The following SETX variants were observed in gnomAD, a reference collection of about 807,000 sequenced individuals.
SETX encodes senataxin, also known as helicase senataxin.
A neutral mutation model predicts 227.2 loss-of-function variants in SETX; 90 were observed. That is an observed-to-expected ratio of 0.40 (90% CI 0.33 to 0.47). The LOEUF (loss-of-function observed/expected upper bound fraction) is 0.47. Ranked by LOEUF, SETX falls within the 20% of genes least tolerant of loss-of-function variation. The pLI is 0.91. For synonymous variants in SETX, 1,210 were observed against 1,113.2 expected (o/e 1.09, Z -1.73); for missense variants, 3,052 against 3,181.5 (o/e 0.96, Z 0.98).
chr9:132,345,571 G>A (rs1042406218), intron 4 of SETX, among the ~76,000 whole-genome samples: 3 of 152,106 alleles, frequency 2.0e-5, no homozygotes, highest in Non-Finnish European at 2.9e-5. Context: ...ACCATGCCCG[G>A]CGAGAATGAA....
At chr9:132,354,615 G>A (rs984964497) in intron 1 of SETX, among the ~76,000 whole-genome samples, 5 of 151,878 alleles carry the variant, frequency 3.3e-5, no homozygotes, top group African/African-American at 1.2e-4. Flanking sequence ...TCAGCCCCAA[G>A]GAAACTACGC....
At chr9:132,349,721 C>T (rs567656931) in intron 2 of SETX, among the ~76,000 whole-genome samples, 5 of 152,154 alleles carry the variant, frequency 3.3e-5, no homozygotes, top group Middle Eastern at 3.4e-3. Flanking sequence ...AACACAGTAC[C>T]GATAGAAAAT....
At chr9:132,269,350 T>C in intron 25 of SETX, 4 of 1,331,528 alleles carry the variant, frequency 3.0e-6, no homozygotes, top group South Asian at 1.3e-5. Flanking sequence ...GGGTTTAATA[T>C]ACCTTCTTAA....
At chr9:132,270,976 G>A (rs10115952) in intron 24 of SETX, among the ~76,000 whole-genome samples, 12,595 of 152,194 alleles carry the variant, frequency 0.083, 981 homozygotes, top group East Asian at 0.37. Flanking sequence ...ATTTGAAAAC[G>A]AACTAATTTA....
intron 11 of SETX, among the ~76,000 whole-genome samples, chr9:132,304,649 AAAG>A (rs1251982313): frequency 6.8e-6 from 1 of 147,828 alleles, no homozygotes; most frequent in Non-Finnish European, 1.5e-5. Context: ...AAAAAAAAAG[AAAG>A]AAAGAAAAGA....
chr9:132,267,632 G>A (rs558557781), intron 25 of SETX, among the ~76,000 whole-genome samples: 1 of 152,322 alleles, frequency 6.6e-6, no homozygotes, highest in Admixed American at 6.5e-5. Context: ...TCAGATTCTC[G>A]TCTGTCTCTT....
intron 17 of SETX, among the ~76,000 whole-genome samples, 165 bp from the exon 18 acceptor site, chr9:132,286,659 CTGCTGCGTAAGACTCAGCTGTG>C (rs1334201950): frequency 3.3e-5 from 5 of 152,240 alleles, no homozygotes; most frequent in Non-Finnish European, 7.3e-5. Flanking sequence ...ACTCTGTATG[CTGCTGCGTAAGACTCAGCTGTG>C]TTCTGTGCGC....
chr9:132,327,725 C>T lies in SETX; in HGVS notation c.3873G>A (p.Lys1291=), dbSNP rs373482614. The change falls in exon 10 of 26, where the codon AAG becomes AAA. Residue 1291 remains lysine (K), a synonymous_variant. Transcript: ENST00000224140. ...ACAACTCATATGCCTTACGAGGACC[C>T]TTTTTCAGGCCAAGTTTCTCAGCTG... ...TSTAEKLGLK[K]GPRKAYELSQ... is the part of the protein sequence containing the mutation. 3.1e-6 allele frequency: 5 copies of T among 1,614,020 alleles called. No homozygotes were observed. The African/African-American group carries it at 6.7e-5, about 22-fold the overall frequency.
chr9:132,348,115 T>C (rs1033260425), intron 3 of SETX, among the ~76,000 whole-genome samples: 18 of 150,746 alleles, frequency 1.2e-4, no homozygotes, highest in Admixed American at 5.3e-4. Context: ...TCCCAGCACT[T>C]TGGGAGGCCG....
chr9:132,346,153 T>A, intron 4 of SETX, 108 bp downstream of exon 4: 1 of 880,334 alleles, frequency 1.1e-6, no homozygotes, highest in East Asian at 2.6e-5. Context: ...TAATTATATA[T>A]CCTAATTATA....
chr9:132,325,406 T>C (rs958118985), intron 10 of SETX, among the ~76,000 whole-genome samples: 2 of 152,064 alleles, frequency 1.3e-5, no homozygotes, highest in African/African-American at 2.4e-5. Context: ...GTCTGACGTG[T>C]AGGGAAATTT....
intron 1 of SETX, among the ~76,000 whole-genome samples, chr9:132,354,672 C>T (rs997658366): frequency 6.6e-6 from 1 of 152,010 alleles, no homozygotes; most frequent in Non-Finnish European, 1.5e-5. Flanking sequence ...GTGTAGACAA[C>T]GGAAGGACAG....
intron 2 of SETX, 122 bp from the exon 3 acceptor site, chr9:132,349,557 A>C: frequency 1.1e-6 from 1 of 927,186 alleles, no homozygotes; most frequent in Non-Finnish European, 1.7e-6. Context: ...TAAAACCCAA[A>C]TCTTCTGCTG....
At chr9:132,292,625 AT>A (rs529367112) in intron 15 of SETX, among the ~76,000 whole-genome samples, 7,946 of 125,160 alleles carry the variant, frequency 0.063, 219 homozygotes, top group East Asian at 0.16. Flanking sequence ...TTCCCAACTC[AT>A]TTTTTTTTTT....
chr9:132,313,688 A>G (rs1223736616), intron 10 of SETX, among the ~76,000 whole-genome samples: 1 of 152,212 alleles, frequency 6.6e-6, no homozygotes, highest in Non-Finnish European at 1.5e-5. Context: ...TAAATGAAAT[A>G]ACTTCAAAGT....
intron 10 of SETX, 95 bp from the exon 11 acceptor site, chr9:132,311,951 G>A: frequency 5.1e-6 from 5 of 988,348 alleles, no homozygotes; most frequent in Non-Finnish European, 7.8e-6. Context: ...GTAAAATCCA[G>A]AAGCTAGAAT....
Position 132,278,236 on chromosome 9 carries a change from C to A in SETX, c.6676G>T (p.Asp2226Tyr). 1 of 1,614,040 alleles carries A rather than the reference C, an allele frequency of 6.2e-7. No individual in the cohort carries two copies. Among genetic ancestry groups the A allele is most frequent in the South Asian group, 1.1e-5 (1 of 91,062 alleles). ...ISMKAQEYGY[D>Y]QSMMARFCRL... ...CAGAAGCGAGCCATCATTGACTGGT[C>A]GTAGCCATACTCCTGTGCTTTCTGT... is the stretch of plus-strand genomic sequence containing the variant. The change falls in exon 21 of 26, where the codon GAC becomes TAC. Residue 2226 changes from aspartate to tyrosine, a missense_variant. Around this residue, in one of 10 missense-constraint regions of SETX, gnomAD observed 412 missense variants for 589.0 expected, o/e 0.70. Coordinates refer to ENST00000224140, the MANE Select transcript of SETX (RefSeq NM_015046.7).
At chr9:132,273,199 G>A (rs576637199) in intron 23 of SETX, among the ~76,000 whole-genome samples, 9 of 151,586 alleles carry the variant, frequency 5.9e-5, no homozygotes, top group African/African-American at 1.5e-4. Flanking sequence ...TTTCGCTCTC[G>A]TCGCCCAGGC....
chr9:132,321,930 C>T (rs561829236), intron 10 of SETX, among the ~76,000 whole-genome samples: 56 of 152,264 alleles, frequency 3.7e-4, no homozygotes, highest in African/African-American at 1.3e-3. Flanking sequence ...TGCCAATGGT[C>T]AACAAGCCCA....
Sources: gnomAD v4.1 joint callset for allele counts (sites outside exome capture counted in the v4.1 genomes callset) on GRCh38, gnomAD v4.1.1 for gene constraint, gnomAD v4.1.1 regional missense constraint, MANE v1.5 for transcripts, NCBI Gene and HGNC (gene_info 2026-07-23, HGNC 2026-07-21) for gene names.